Variants in LPCAT4 observed in about 807,000 individuals in gnomAD.
The protein encoded by LPCAT4 is lysophosphatidylcholine acyltransferase 4, also known as lysophospholipid acyltransferase LPCAT4.
Under a neutral mutation model 66.5 loss-of-function variants are expected in LPCAT4, and 30 were observed. The observed-to-expected ratio is 0.45, with a 90% CI of 0.34 to 0.61. The LOEUF is 0.61. Ranked by LOEUF, LPCAT4 falls within the 20% of genes least tolerant of loss-of-function variation. LPCAT4 has a pLI of 0.01. For missense variants in LPCAT4, 557 were observed against 656.7 expected (o/e 0.85, Z 1.66); for synonymous variants, 253 against 262.1 (o/e 0.97, Z 0.34).
intron 1 of LPCAT4, among the ~76,000 whole-genome samples, chr15:34,366,540 G>A (rs1183323753): frequency 6.6e-6 from 1 of 152,046 alleles, no homozygotes; most frequent in Admixed American, 6.5e-5. Flanking sequence ...GTGTAGGAAG[G>A]GCACAGGGTC....
chr15:34,366,832 C>T, intron 1 of LPCAT4, 155 bp downstream of exon 1: 1 of 1,134,868 alleles, frequency 8.8e-7, no homozygotes. Context: ...TGCCCAACCG[C>T]GGCCGCCCCC....
rs1890993104 is a variant in LPCAT4, at chr15:34,363,300, G to C, written c.746+122C>G. 1 of 1,071,050 alleles carries C rather than the reference G, an allele frequency of 9.3e-7. No individual in the cohort carries two copies. Among genetic ancestry groups the C allele is most frequent in the Admixed American group, 2.2e-5 (1 of 46,098 alleles). 66.3% of individuals were successfully genotyped at this position (1,071,050 alleles called of 1,614,324 possible). A position where few individuals can be genotyped will look rare whatever the true frequency, so the allele number is the denominator to read the frequency against. ...CAGGGGGAAAGTGGTGTCTCCTCTAGAGTTCTCTCAGTCCTCAGATGAAGA... is the reference window on the plus strand; with the variant it reads ...CAGGGGGAAAGTGGTGTCTCCTCTACAGTTCTCTCAGTCCTCAGATGAAGA... On this transcript the variant is annotated intron_variant, in intron 7 of 13. Coordinates refer to ENST00000314891, the MANE Select transcript of LPCAT4 (RefSeq NM_153613.3). The surrounding 1 kb of genome is among the most constrained non-coding windows in gnomAD (Gnocchi z 4.3).
At chr15:34,360,688 G>A (rs533695801) in intron 11 of LPCAT4, among the ~76,000 whole-genome samples, 2 of 152,320 alleles carry the variant, frequency 1.3e-5, no homozygotes, top group South Asian at 4.1e-4. Context: ...TTTCTGCTCT[G>A]CTACAGGCCA....
chr15:34,362,088 T>C lies in LPCAT4; in HGVS notation c.1010+108A>G. The C allele has an allele frequency of 2.1e-6, 3 of 1,399,190 alleles. No homozygotes were observed. The South Asian group carries it at 3.8e-5, about 18-fold the overall frequency. 86.7% of individuals were successfully genotyped at this position (1,399,190 alleles called of 1,614,324 possible). A position where few individuals can be genotyped will look rare whatever the true frequency, so the allele number is the denominator to read the frequency against. ...TATTCTATTATCTTTCTTCCCAGTT[T>C]TTTTCATTTTTAAGATTTTCCTTCT... On this transcript the variant is annotated intron_variant, in intron 10 of 13. Transcript: ENST00000314891.
In LPCAT4 at chr15:34,362,206, G is replaced by C. The variant is rs759805853; in HGVS notation, c.1000C>G (p.Arg334Gly). The stretch of plus-strand genomic sequence containing the variant: ...TCCAAGACCACTTACCCAGCCTTCC[G>C]AAGCACTTTTCCCAGTTCCCAGAGC... ...PQLWELGKVLRKAGLSAGYVD... is the reference protein window; with the variant it reads ...PQLWELGKVLGKAGLSAGYVD... Residue 334 changes from arginine (R) to glycine (G), a missense_variant, in exon 10 of 14, where the codon CGG becomes GGG. By Grantham distance (125) the Arg-to-Gly change is moderately radical. Coordinates refer to ENST00000314891, the MANE Select transcript of LPCAT4 (RefSeq NM_153613.3). 6.2e-7 allele frequency: 1 copy of C among 1,612,526 alleles called. No homozygotes were observed. The highest frequency in any genetic ancestry group is 1.3e-5 in the African/African-American group (1 of 74,354).
chr15:34,362,797 G>T lies in LPCAT4; in HGVS notation c.786C>A (p.Ser262Arg). ...VLWLTASQPC[S>R]IVDVEFLPVY... ...GGAGCCATACCTCCACATCCACAAT[G>T]CTGCAGGGCTGAGAGGCTGTGAGCC... Residue 262 changes from serine (S) to arginine (R), a missense_variant, in exon 8 of 14, where the codon AGC becomes AGA. Physicochemically the swap from Ser to Arg is moderately radical, Grantham distance 110. Transcript: ENST00000314891. 1 of 1,614,174 alleles carries T rather than the reference G, an allele frequency of 6.2e-7. No individual in the cohort carries two copies. Among genetic ancestry groups the T allele is most frequent in the Non-Finnish European group, 8.5e-7 (1 of 1,180,010 alleles).
At chr15:34,366,951 C>T in intron 1 of LPCAT4, 36 bp downstream of exon 1, 1 of 1,539,146 alleles carries the variant, frequency 6.5e-7, no homozygotes, top group Non-Finnish European at 8.8e-7. Context: ...TTCCTATCCT[C>T]ACGGGTCCTT....
At chr15:34,364,522 C>A in intron 3 of LPCAT4, 1 of 411,548 alleles carries the variant, frequency 2.4e-6, no homozygotes, top group East Asian at 4.4e-5. Flanking sequence ...CTCCTGGGTT[C>A]AAGTGATTCT....
chr15:34,366,050 C>T (rs1237697499), intron 1 of LPCAT4: 1 of 197,904 alleles, frequency 5.1e-6, no homozygotes. Context: ...AGGTTAGAGA[C>T]AGGTCCTCCT....
intron 1 of LPCAT4, among the ~76,000 whole-genome samples, chr15:34,366,636 G>A (rs917328359): frequency 5.3e-5 from 1 of 18,734 alleles, no homozygotes; most frequent in Admixed American, 4.4e-4. Flanking sequence ...CCCCACCCCC[G>A]GCTTCCCGTA....
intron 13 of LPCAT4, 43 bp from the exon 14 acceptor site, chr15:34,359,345 C>T (rs371277135): frequency 2.2e-4 from 323 of 1,456,004 alleles, no homozygotes; most frequent in African/African-American, 1.9e-3. Context: ...GATCTAAGAA[C>T]GAGAAGAGAA....
intron 11 of LPCAT4, among the ~76,000 whole-genome samples, chr15:34,360,717 C>T (rs529787174): frequency 5.3e-5 from 8 of 152,294 alleles, no homozygotes; most frequent in Admixed American, 1.3e-4. Flanking sequence ...AAGCTCTTTT[C>T]GGGGACAGTC....
chr15:34,362,143 T>C, intron 10 of LPCAT4, 53 bp downstream of exon 10: 1 of 1,599,286 alleles, frequency 6.3e-7, no homozygotes, highest in Non-Finnish European at 8.6e-7. Context: ...TCTTATTCTC[T>C]CTCTCTCTCT....
intron 11 of LPCAT4, chr15:34,361,099 C>A: frequency 1.1e-6 from 1 of 887,784 alleles, no homozygotes; most frequent in Non-Finnish European, 1.5e-6. Context: ...TCACCCAGCA[C>A]CCCAAAAGGT....
Position 34,360,232 on chromosome 15 carries a change from G to A in LPCAT4, c.1144-23C>T, listed in dbSNP as rs1429302363. 5 of 1,586,658 alleles carry A rather than the reference G, an allele frequency of 3.2e-6. No individual in the cohort carries two copies. In the South Asian group the frequency reaches 3.3e-5, roughly 11 times the overall value. ...ATCCTGGTGTGAAAAAGAAACCAGG[G>A]CAATGCGGGGACCCTGCGCCTCCCT... On this transcript the variant is annotated intron_variant, in intron 11 of 13. Coordinates refer to ENST00000314891, the MANE Select transcript of LPCAT4 (RefSeq NM_153613.3).
intron 8 of LPCAT4, 55 bp from the exon 9 acceptor site, chr15:34,362,710 C>T: frequency 6.2e-7 from 1 of 1,610,814 alleles, no homozygotes; most frequent in Non-Finnish European, 8.5e-7. Context: ...GGTATGACCA[C>T]TCCCACCCTC....
chr15:34,359,805 C>T (rs1251397731), intron 12 of LPCAT4, 60 bp from the exon 13 acceptor site: 8 of 1,520,836 alleles, frequency 5.3e-6, no homozygotes, highest in Non-Finnish European at 7.1e-6. Flanking sequence ...TCACCCTGCC[C>T]CACAGACTGG....
Position 34,359,031 on chromosome 15 carries a change from C to A in LPCAT4, c.*96G>T. 9.7e-7 allele frequency: 1 copy of A among 1,026,018 alleles called. No individual in the cohort carries two copies. Among genetic ancestry groups the A allele is most frequent in the Non-Finnish European group, 1.3e-6 (1 of 753,182 alleles). 63.6% of individuals were successfully genotyped at this position (1,026,018 alleles called of 1,614,324 possible). ...ACTTAAAAAAACAACAACCAAACAA[C>A]AATAACAAAATTCAAACAGGAGCAG... On this transcript the variant is annotated 3_prime_UTR_variant, in exon 14 of 14. Transcript: ENST00000314891.
intron 3 of LPCAT4, 177 bp from the exon 4 acceptor site, chr15:34,364,483 G>A (rs1891026370): frequency 1.8e-6 from 1 of 545,716 alleles, no homozygotes; most frequent in Non-Finnish European, 3.3e-6. Flanking sequence ...GAGTGCAATG[G>A]CTCGATCTCA....
Sources: allele counts gnomAD v4.1 joint callset (sites outside exome capture counted in the v4.1 genomes callset), GRCh38; gene constraint gnomAD v4.1.1; non-coding constraint Gnocchi (gnomAD v3.1); transcripts MANE v1.5; gene names NCBI Gene and HGNC (gene_info 2026-07-23, HGNC 2026-07-21).